COA1: variants seen among roughly 807,000 people sequenced by gnomAD.
COA1 encodes cytochrome c oxidase assembly factor 1 homolog.
In COA1, 13 loss-of-function variants were observed where a neutral mutation model predicts 16.0. The observed-to-expected ratio is 0.81, with a 90% confidence interval of 0.53 to 1.29. COA1 has a LOEUF of 1.29. Among genes scored for constraint, COA1 ranks in the 50% most tolerant of loss-of-function variants. The pLI is 0.00. For synonymous variants in COA1, 65 were observed against 65.7 expected (o/e 0.99, Z 0.05); for missense variants, 179 against 177.0 (o/e 1.01, Z -0.06).
chr7:43,637,999 A>G (rs1400855539), downstream of COA1, among the ~76,000 whole-genome samples: 1 of 152,208 alleles, frequency 6.6e-6, no homozygotes, highest in Non-Finnish European at 1.5e-5. Flanking sequence ...GTGTAACTTA[A>G]AGAGCAAAAG....
At chr7:43,616,364 A>G (rs1410294597) in intron 6 of COA1, among the ~76,000 whole-genome samples, 1 of 152,160 alleles carries the variant, frequency 6.6e-6, no homozygotes, top group African/African-American at 2.4e-5. Context: ...CTAACACAAA[A>G]TAGACACCCT....
intron 1 of COA1, among the ~76,000 whole-genome samples, chr7:43,716,528 G>C (rs2095398557): frequency 6.6e-6 from 1 of 152,134 alleles, no homozygotes; most frequent in Non-Finnish European, 1.5e-5. Context: ...GCATTCAAAA[G>C]GTAACTTGGG....
rs574150051 is a variant in COA1 at position 43,692,989 on chromosome 7, G to A, written c.-39+36440C>T. On this transcript the variant is annotated intron_variant, in intron 1 of 5. Coordinates refer to ENST00000223336, the MANE Select transcript of COA1 (RefSeq NM_018224.4). ...TTATCTATGTCCAAGCTCCACCTCAGACTGAGTCAGAATGTCCAGGGGCTA... is the reference window on the plus strand; with the variant it reads ...TTATCTATGTCCAAGCTCCACCTCAAACTGAGTCAGAATGTCCAGGGGCTA... 3.8e-4 allele frequency among the ~76,000 whole-genome samples: 58 copies of A among 152,230 alleles called. 1 individual carries two copies. In the South Asian group the frequency reaches 0.011, roughly 30 times the overall value.
At chr7:43,619,772 A>AT (rs746883318) in intron 6 of COA1, 1 of 1,596,814 alleles carries the variant, frequency 6.3e-7, no homozygotes, top group South Asian at 1.1e-5. Flanking sequence ...CATCACCTTC[A>AT]TTAGGGGACT....
intron 1 of COA1, among the ~76,000 whole-genome samples, 183 bp downstream of exon 1, chr7:43,729,246 G>A (rs1051287409): frequency 2.0e-5 from 3 of 152,234 alleles, no homozygotes; most frequent in African/African-American, 4.8e-5. Flanking sequence ...AGGTTACCAG[G>A]TGCCAAAGAA....
intron 1 of COA1, among the ~76,000 whole-genome samples, chr7:43,714,426 A>G (rs1308670881): frequency 6.6e-6 from 1 of 151,368 alleles, no homozygotes; most frequent in Non-Finnish European, 1.5e-5. Flanking sequence ...TCAGGAGTTC[A>G]ACGCTAGCCT....
At chr7:43,621,819 G>T (rs1176586622) in intron 6 of COA1, among the ~76,000 whole-genome samples, 1 of 152,090 alleles carries the variant, frequency 6.6e-6, no homozygotes, top group Non-Finnish European at 1.5e-5. Flanking sequence ...TGATTCAAAA[G>T]TACATAATAC....
intron 1 of COA1, among the ~76,000 whole-genome samples, chr7:43,684,897 T>C (rs1036582855): frequency 6.6e-6 from 1 of 152,100 alleles, no homozygotes; most frequent in Non-Finnish European, 1.5e-5. Flanking sequence ...TAGACTTTAT[T>C]ATCTTCACAT....
At chr7:43,614,197 A>G (rs527273209) in intron 6 of COA1, among the ~76,000 whole-genome samples, 1 of 152,290 alleles carries the variant, frequency 6.6e-6, no homozygotes, top group Non-Finnish European at 1.5e-5. Flanking sequence ...GTAAACGTTA[A>G]ATGGATTATG....
chr7:43,665,214 T>C (rs1159356081), intron 1 of COA1, among the ~76,000 whole-genome samples: 1 of 152,296 alleles, frequency 6.6e-6, no homozygotes, highest in East Asian at 1.9e-4. Flanking sequence ...AAACAGACAT[T>C]TTCCTGAAAA....
intron 1 of COA1, chr7:43,649,672 A>G (rs1228419720): frequency 6.6e-6 from 1 of 152,244 alleles, no homozygotes; most frequent in East Asian, 1.9e-4. Context: ...ATCACATGCA[A>G]CTGCACGGCT....
chr7:43,645,473 A>G, intron 3 of COA1, 74 bp from the exon 4 acceptor site: 1 of 1,346,520 alleles, frequency 7.4e-7, no homozygotes, highest in Non-Finnish European at 1.1e-6. Context: ...AAAATTAAAT[A>G]ATCCAACTGA....
chr7:43,697,093 C>T (rs769137525), intron 1 of COA1, among the ~76,000 whole-genome samples: 2 of 151,062 alleles, frequency 1.3e-5, no homozygotes, highest in African/African-American at 2.4e-5. Flanking sequence ...CACTGCACTC[C>T]AGCCTGGCGA....
intron 1 of COA1, among the ~76,000 whole-genome samples, chr7:43,662,252 CAG>C (rs1472391736): frequency 2.6e-5 from 4 of 152,164 alleles, no homozygotes; most frequent in Admixed American, 1.3e-4. Flanking sequence ...TATTTTGAGA[CAG>C]AGTCTCGCTG....
At chr7:43,717,586 T>C (rs1253452029) in intron 1 of COA1, among the ~76,000 whole-genome samples, 1 of 152,196 alleles carries the variant, frequency 6.6e-6, no homozygotes, top group Non-Finnish European at 1.5e-5. Context: ...GATGAAACTT[T>C]GAACTGTGAA....
At chr7:43,653,848 A>AT (rs1037202859) in intron 1 of COA1, among the ~76,000 whole-genome samples, 6 of 151,956 alleles carry the variant, frequency 3.9e-5, no homozygotes, top group South Asian at 2.1e-4. Context: ...AGGATTAATG[A>AT]TTTTTTTTAA....
downstream of COA1, among the ~76,000 whole-genome samples, chr7:43,637,731 G>A (rs3807523): frequency 5.8e-3 from 881 of 152,242 alleles, 56 homozygotes; most frequent in East Asian, 0.14. Context: ...CCGAGATAGC[G>A]GCTTTCAAAT....
chr7:43,726,964 AT>A (rs1335927257), intron 1 of COA1, among the ~76,000 whole-genome samples: 4 of 152,260 alleles, frequency 2.6e-5, no homozygotes, highest in Non-Finnish European at 4.4e-5. Context: ...GGGAAATACG[AT>A]TTGAAACCAT....
intron 6 of COA1, chr7:43,622,608 TATA>T (rs1364107846): frequency 2.6e-5 from 4 of 152,168 alleles, no homozygotes; most frequent in Non-Finnish European, 5.9e-5. Context: ...GGAGCATTTT[TATA>T]ATATTTTTCC....
Sources: gnomAD v4.1 joint callset for allele counts (sites outside exome capture counted in the v4.1 genomes callset) on GRCh38, gnomAD v4.1.1 for gene constraint, MANE v1.5 for transcripts, NCBI Gene and HGNC (gene_info 2026-07-23, HGNC 2026-07-21) for gene names.